Variants in KLHL32 observed in about 807,000 individuals in gnomAD.
KLHL32 encodes kelch like family member 32, also known as kelch-like protein 32.
KLHL32 carries 35 observed loss-of-function variants against 64.8 expected under a neutral mutation model. That is an observed-to-expected ratio of 0.54 (90% CI 0.41 to 0.72). KLHL32 has a LOEUF of 0.72. KLHL32 is among the 30% of genes least tolerant of loss of function. The pLI is 0.00. For synonymous variants in KLHL32, 259 were observed against 281.0 expected (o/e 0.92, Z 0.78); for missense variants, 589 against 768.5 (o/e 0.77, Z 2.76).
At position 97,070,297 on chromosome 6, in the gene KLHL32, C is replaced by A. The variant is rs1790504013; in HGVS notation, c.411+5571C>A. ...TCAAAAAGGGTGGAAATGTATCAGA[C>A]CTATTAAATCATAGCCAACTAGTAA... On this transcript the variant is annotated intron_variant, in intron 5 of 10. Coordinates refer to ENST00000369261, the MANE Select transcript of KLHL32 (RefSeq NM_052904.4). 2.6e-5 allele frequency among the ~76,000 whole-genome samples: 4 copies of A among 152,104 alleles called. No homozygotes were observed. In the South Asian group the frequency reaches 8.3e-4, roughly 31 times the overall value.
At chr6:96,993,148 A>G (rs868703496) in intron 3 of KLHL32, among the ~76,000 whole-genome samples, 3 of 152,158 alleles carry the variant, frequency 2.0e-5, no homozygotes, top group Admixed American at 1.3e-4. Flanking sequence ...ACTGGAAGTA[A>G]TTTTTTCCTT....
At chr6:96,978,287 C>A (rs566359884) in intron 3 of KLHL32, among the ~76,000 whole-genome samples, 1 of 152,162 alleles carries the variant, frequency 6.6e-6, no homozygotes, top group South Asian at 2.1e-4. Context: ...AATTTTCTCC[C>A]TTCCCCCAAC....
At chr6:97,034,369 A>G (rs1180815321) in intron 3 of KLHL32, among the ~76,000 whole-genome samples, 1 of 152,068 alleles carries the variant, frequency 6.6e-6, no homozygotes, top group Non-Finnish European at 1.5e-5. Context: ...TTGTTGGTCT[A>G]TATATCTGTT....
intron 1 of KLHL32, among the ~76,000 whole-genome samples, chr6:96,956,734 T>C (rs144869700): frequency 6.6e-6 from 1 of 152,322 alleles, no homozygotes; most frequent in African/African-American, 2.4e-5. Context: ...AAAAAGCTCA[T>C]TTAATTCTTA....
At chr6:97,138,555 CAAAA>C (rs969465644) in intron 10 of KLHL32, among the ~76,000 whole-genome samples, 2 of 151,442 alleles carry the variant, frequency 1.3e-5, no homozygotes, top group African/African-American at 4.9e-5. Flanking sequence ...ACAAAAACAA[CAAAA>C]AAACCCCAAA....
At chr6:97,033,182 C>T (rs1783814209) in intron 3 of KLHL32, among the ~76,000 whole-genome samples, 1 of 152,128 alleles carries the variant, frequency 6.6e-6, no homozygotes, top group South Asian at 2.1e-4. Flanking sequence ...GAAACCAAAA[C>T]ATATGTCTGA....
Position 96,985,306 on chromosome 6 carries a change from T to G in KLHL32, c.204+9129T>G, listed in dbSNP as rs138045226. On this transcript the variant is annotated intron_variant, in intron 3 of 10. Coordinates refer to ENST00000369261, the MANE Select transcript of KLHL32 (RefSeq NM_052904.4). ...CTTTCTCTCTGGCTGCCCTTATCAT[T>G]TTTTCCTTCATTTCAGCTTTGGTGA... Among the ~76,000 whole-genome samples the G allele has an allele frequency of 8.5e-3, 1,291 of 152,300 alleles. 6 individuals are homozygous for G. Among genetic ancestry groups the G allele is most frequent in the Non-Finnish European group, 0.012 (803 of 68,018 alleles).
At chr6:97,082,292 C>T (rs1747813697) in intron 5 of KLHL32, among the ~76,000 whole-genome samples, 1 of 152,078 alleles carries the variant, frequency 6.6e-6, no homozygotes, top group African/African-American at 2.4e-5. Context: ...AGAGGAGATA[C>T]AGGAGTAGAT....
At chr6:97,130,284 A>C (rs1799291588) in intron 8 of KLHL32, among the ~76,000 whole-genome samples, 1 of 152,190 alleles carries the variant, frequency 6.6e-6, no homozygotes, top group African/African-American at 2.4e-5. Context: ...AGATGAGAAA[A>C]CTGGCACAGA....
At chr6:97,061,983 T>C (rs142820178) in intron 4 of KLHL32, among the ~76,000 whole-genome samples, 1 of 152,332 alleles carries the variant, frequency 6.6e-6, no homozygotes, top group East Asian at 1.9e-4. Flanking sequence ...AGGGTTTCTT[T>C]CTCCAACCCT....
rs748976645 is a variant in KLHL32 at position 97,103,026 on chromosome 6, G to A, written c.628-10757G>A. On this transcript the variant is annotated intron_variant, in intron 6 of 10. Coordinates refer to ENST00000369261, the MANE Select transcript of KLHL32 (RefSeq NM_052904.4). ...ATCATGAAGGTATATTTACCTCTAC[G>A]AGGTAAATAAATATAAATATACCAT... Among the ~76,000 whole-genome samples the A allele has an allele frequency of 1.1e-4, 16 of 150,318 alleles. No individual in the cohort carries two copies. In the South Asian group the frequency reaches 2.1e-3, roughly 20 times the overall value.
rs111931517 is a variant in KLHL32 at position 96,931,637 on chromosome 6, G to A, written c.-66+6611G>A. Among the ~76,000 whole-genome samples, 315 of 152,144 alleles carry A rather than the reference G, an allele frequency of 2.1e-3. 2 individuals carry two copies. Among genetic ancestry groups the A allele is most frequent in the African/African-American group, 7.4e-3 (306 of 41,500 alleles). ...TAATTCAGATGCATTTTTACTAGTT[G>A]GTAACATTACTTGAGATACCTAAAA... On this transcript the variant is annotated intron_variant, in intron 1 of 10. Transcript: ENST00000369261.
intron 6 of KLHL32, among the ~76,000 whole-genome samples, chr6:97,099,374 T>G: frequency 6.6e-6 from 1 of 152,240 alleles, no homozygotes; most frequent in Non-Finnish European, 1.5e-5. Context: ...CTTCTCTATC[T>G]TCAGGGTTCA....
intron 3 of KLHL32, among the ~76,000 whole-genome samples, chr6:97,010,043 A>G (rs1413003291): frequency 3.3e-5 from 5 of 151,752 alleles, no homozygotes; most frequent in South Asian, 4.2e-4. Context: ...GGAAGGCAGA[A>G]TAAACAAACT....
At chr6:97,136,542 A>G (rs1372600106) in intron 10 of KLHL32, among the ~76,000 whole-genome samples, 4 of 152,246 alleles carry the variant, frequency 2.6e-5, no homozygotes, top group African/African-American at 9.6e-5. Context: ...AATGTCTGTC[A>G]CAGAGGTTTG....
intron 4 of KLHL32, among the ~76,000 whole-genome samples, chr6:97,046,600 A>G (rs908704097): frequency 6.6e-6 from 1 of 152,206 alleles, no homozygotes; most frequent in Non-Finnish European, 1.5e-5. Context: ...TTTCTTGAAC[A>G]ACATCCAAGA....
intron 6 of KLHL32, among the ~76,000 whole-genome samples, chr6:97,111,077 T>A (rs1052390166): frequency 3.3e-5 from 5 of 151,084 alleles, no homozygotes; most frequent in Admixed American, 3.3e-4. Context: ...TGGGACTGGG[T>A]CCAGTCCAGG....
intron 4 of KLHL32, among the ~76,000 whole-genome samples, chr6:97,058,495 A>C (rs1315651776): frequency 1.3e-5 from 2 of 151,942 alleles, no homozygotes; most frequent in South Asian, 4.2e-4. Flanking sequence ...ACCAATATTC[A>C]TTTCCTCTTT....
intron 4 of KLHL32, among the ~76,000 whole-genome samples, chr6:97,055,797 A>G (rs1362610087): frequency 1.3e-5 from 1 of 78,610 alleles, no homozygotes; most frequent in African/African-American, 9.8e-5. Flanking sequence ...GAACCTGTCT[A>G]AAAAAAAAAA....
Sources: allele counts gnomAD v4.1 joint callset (sites outside exome capture counted in the v4.1 genomes callset), GRCh38; gene constraint gnomAD v4.1.1; transcripts MANE v1.5; gene names NCBI Gene and HGNC (gene_info 2026-07-23, HGNC 2026-07-21).